The following KIAA0319 variants were observed in gnomAD, a reference collection of about 807,000 sequenced individuals.
KIAA0319 encodes dyslexia-associated protein KIAA0319.
KIAA0319 carries 83 observed loss-of-function variants against 108.4 expected under a neutral mutation model. That is an observed-to-expected ratio of 0.77 (90% CI 0.64 to 0.92). The LOEUF is 0.92. Ranked by LOEUF, KIAA0319 falls within the 40% of genes least tolerant of loss-of-function variation. KIAA0319 has a pLI of 0.00. For missense variants in KIAA0319, 1,195 were observed against 1,322.4 expected, an observed-to-expected ratio of 0.90 and a Z score of 1.49; for synonymous variants, 484 against 510.4, an observed-to-expected ratio of 0.95 and a Z score of 0.70.
intron 11 of KIAA0319, among the ~76,000 whole-genome samples, chr6:24,570,458 G>A (rs1316410839): frequency 6.6e-6 from 1 of 152,028 alleles, no homozygotes; most frequent in Non-Finnish European, 1.5e-5. Context: ...TGTGGTGGCA[G>A]GCGCCTGTAG....
At position 24,583,613 on chromosome 6, in the gene KIAA0319, G is replaced by A. The variant is rs142218977; in HGVS notation, c.1084C>T (p.Pro362Ser). 28 of 1,612,104 alleles carry A rather than the reference G, an allele frequency of 1.7e-5. 1 individual carries two copies. Among genetic ancestry groups the A allele is most frequent in the African/African-American group, 8.0e-5 (6 of 74,978 alleles). ...AAGGTTAAACTCTCACCTACAGGTG[G>A]CGCTGGCGCAACAAAGGCCTTCAGT... is the stretch of plus-strand genomic sequence containing the variant. Reference protein sequence around the residue: ...VELKAFVAPAPPVETTYNYEW... With the variant: ...VELKAFVAPASPVETTYNYEW... The change falls in exon 5 of 21, where the codon CCA (proline) becomes TCA (serine). Residue 362 changes from proline (P) to serine (S), a missense_variant. Physicochemically the swap from Pro to Ser is moderately conservative, Grantham distance 74 (BLOSUM62 -1). Transcript: ENST00000378214.
Position 24,581,015 on chromosome 6 carries a change from T to G in KIAA0319, c.1192-2A>C. 1 of 1,599,114 alleles carries G rather than the reference T, an allele frequency of 6.3e-7. No individual in the cohort carries two copies. Among genetic ancestry groups the G allele is most frequent in the South Asian group, 1.1e-5 (1 of 90,782 alleles). On this transcript the variant is annotated splice_acceptor_variant, in intron 6 of 20. Coordinates refer to ENST00000378214, the MANE Select transcript of KIAA0319 (RefSeq NM_014809.4). LOFTEE classifies it high-confidence loss of function. ...GAAGACATAAAGTCCGACGGACAACTGTAACATAAAGAAAAGTTGTACAGT... is the reference window on the plus strand; with the variant it reads ...GAAGACATAAAGTCCGACGGACAACGGTAACATAAAGAAAAGTTGTACAGT...
intron 1 of KIAA0319, among the ~76,000 whole-genome samples, chr6:24,636,548 A>C (rs1021256076): frequency 6.6e-6 from 1 of 152,228 alleles, no homozygotes; most frequent in African/African-American, 2.4e-5. Context: ...TGAAAACTGA[A>C]GGAAGAACAA....
intron 1 of KIAA0319, among the ~76,000 whole-genome samples, chr6:24,613,591 C>T (rs1772703943): frequency 6.6e-6 from 1 of 151,534 alleles, no homozygotes; most frequent in South Asian, 2.1e-4. Context: ...CCTGAATCCC[C>T]ACTGATTTCT....
chr6:24,626,055 C>T (rs1225023102), intron 1 of KIAA0319, among the ~76,000 whole-genome samples: 5 of 152,120 alleles, frequency 3.3e-5, no homozygotes, highest in African/African-American at 1.2e-4. Context: ...CATGGATAAA[C>T]CTTGACACCA....
At position 24,636,250 on chromosome 6, in the gene KIAA0319, C is replaced by G. The variant is rs1011502406; in HGVS notation, c.-106+9486G>C. Among the ~76,000 whole-genome samples, 4 of 152,218 alleles carry G rather than the reference C, an allele frequency of 2.6e-5. No individual in the cohort carries two copies. The East Asian group carries it at 5.8e-4, about 22-fold the overall frequency. On this transcript the variant is annotated intron_variant, in intron 1 of 20. Coordinates refer to ENST00000378214, the MANE Select transcript of KIAA0319 (RefSeq NM_014809.4). The stretch of plus-strand genomic sequence containing the variant: ...AAACCAAAGCCAAAACAGGTATCAA[C>G]AGATGACATTGTGGGTTTCCCACAG...
chr6:24,593,910 G>GT (rs1768950917), intron 3 of KIAA0319, among the ~76,000 whole-genome samples: 1 of 151,390 alleles, frequency 6.6e-6, no homozygotes, highest in African/African-American at 2.4e-5. Flanking sequence ...TTAATTGAAA[G>GT]TTTTTTCAGG....
rs111771292 is a variant in KIAA0319 at position 24,582,760 on chromosome 6, A to C, written c.1094-414T>G. ...CATATCAGTTTTAACATAGTATAATACATTGTGCTTTTCTCTTTTTAACAA... is the reference window on the plus strand; with the variant it reads ...CATATCAGTTTTAACATAGTATAATCCATTGTGCTTTTCTCTTTTTAACAA... On this transcript the variant is annotated intron_variant, in intron 5 of 20. Coordinates refer to ENST00000378214, the MANE Select transcript of KIAA0319 (RefSeq NM_014809.4). 1.6e-3 allele frequency among the ~76,000 whole-genome samples: 246 copies of C among 152,172 alleles called. 1 individual carries two copies. The highest frequency in any genetic ancestry group is 6.8e-3 in the Middle Eastern group (2 of 294).
chr6:24,559,199 G>A, intron 16 of KIAA0319, 44 bp from the exon 17 acceptor site: 11 of 1,599,676 alleles, frequency 6.9e-6, no homozygotes, highest in Non-Finnish European at 7.7e-6. Context: ...TGGTCAGATG[G>A]TGACTACCAT....
chr6:24,606,381 G>A (rs550199307), intron 1 of KIAA0319, among the ~76,000 whole-genome samples: 3 of 152,284 alleles, frequency 2.0e-5, no homozygotes, highest in East Asian at 1.9e-4. Context: ...TTTGGGTGAC[G>A]GTGATGACAT....
intron 19 of KIAA0319, among the ~76,000 whole-genome samples, chr6:24,553,723 T>C (rs1761909474): frequency 6.6e-6 from 1 of 152,158 alleles, no homozygotes; most frequent in African/African-American, 2.4e-5. Flanking sequence ...CATACCCTTT[T>C]TGTCCAACTA....
At chr6:24,618,634 A>G (rs1221403336) in intron 1 of KIAA0319, among the ~76,000 whole-genome samples, 4 of 152,042 alleles carry the variant, frequency 2.6e-5, no homozygotes, top group African/African-American at 9.7e-5. Context: ...AAACAACAAC[A>G]ACAACAAAAA....
intron 1 of KIAA0319, among the ~76,000 whole-genome samples, chr6:24,620,752 A>C (rs1322171794): frequency 6.6e-6 from 1 of 152,204 alleles, no homozygotes; most frequent in Non-Finnish European, 1.5e-5. Flanking sequence ...GGAGGCTTGA[A>C]GGGAGTATGC....
chr6:24,626,016 A>G (rs1227355957), intron 1 of KIAA0319, among the ~76,000 whole-genome samples: 2 of 152,264 alleles, frequency 1.3e-5, no homozygotes, highest in Non-Finnish European at 2.9e-5. Context: ...TTATTTGGCA[A>G]TAAAAAAGGA....
At chr6:24,570,917 G>C (rs1170082249) in intron 11 of KIAA0319, among the ~76,000 whole-genome samples, 1 of 152,116 alleles carries the variant, frequency 6.6e-6, no homozygotes, top group Non-Finnish European at 1.5e-5. Context: ...TTGGCAGGGC[G>C]TGGTAGTTCA....
At chr6:24,644,569 T>C (rs1424199931) in intron 1 of KIAA0319, among the ~76,000 whole-genome samples, 1 of 151,678 alleles carries the variant, frequency 6.6e-6, no homozygotes, top group Non-Finnish European at 1.5e-5. Flanking sequence ...GAGGACTTAC[T>C]GTATTTATTT....
chr6:24,559,804 C>A (rs1418615872), intron 16 of KIAA0319, among the ~76,000 whole-genome samples: 1 of 152,124 alleles, frequency 6.6e-6, no homozygotes, highest in Non-Finnish European at 1.5e-5. Flanking sequence ...CAACCATCAC[C>A]ACTATCAAAT....
chr6:24,572,691 T>C lies in KIAA0319; in HGVS notation c.1742A>G (p.Gln581Arg), dbSNP rs759684824. The change falls in exon 11 of 21, where the codon CAG becomes CGG. Residue 581 changes from glutamine (Q) to arginine (R), a missense_variant. By Grantham distance (43) the Gln-to-Arg change is conservative. Transcript: ENST00000378214. ...EGKHVVMQGVQTPYLHLSAMQ... is the reference protein window; with the variant it reads ...EGKHVVMQGVRTPYLHLSAMQ... Reference sequence around the variant, plus strand: ...TGCAGATAAATGAAGGTATGGCGTCTGTACTCCCTAAGTAATAGCAAATAC... The same window carrying C: ...TGCAGATAAATGAAGGTATGGCGTCCGTACTCCCTAAGTAATAGCAAATAC... The C allele has an allele frequency of 1.2e-6, 2 of 1,608,010 alleles. No individual in the cohort carries two copies. The highest frequency in any genetic ancestry group is 1.7e-6 in the Non-Finnish European group (2 of 1,178,406).
At chr6:24,607,150 A>G (rs532907059) in intron 1 of KIAA0319, among the ~76,000 whole-genome samples, 20 of 152,280 alleles carry the variant, frequency 1.3e-4, no homozygotes, top group African/African-American at 4.8e-4. Flanking sequence ...GAGGTCAGGA[A>G]TTTGAGACCA....
Sources: gnomAD v4.1 joint callset for allele counts (sites outside exome capture counted in the v4.1 genomes callset) on GRCh38, gnomAD v4.1.1 for gene constraint, MANE v1.5 for transcripts, NCBI Gene and HGNC (gene_info 2026-07-23, HGNC 2026-07-21) for gene names.